TRPC4AP: variants seen among roughly 807,000 people sequenced by gnomAD.
TRPC4AP encodes the protein short transient receptor potential channel 4-associated protein.
A neutral mutation model predicts 99.0 loss-of-function variants in TRPC4AP; 45 were observed. The observed-to-expected ratio is 0.45, with a 90% CI of 0.36 to 0.58. TRPC4AP has a LOEUF of 0.58. TRPC4AP is among the 20% of genes least tolerant of loss of function. The pLI is 0.00. For synonymous variants in TRPC4AP, 408 were observed against 385.8 expected, an observed-to-expected ratio of 1.06 and a Z score of -0.67; for missense variants, 879 against 985.3, an observed-to-expected ratio of 0.89 and a Z score of 1.44.
At chr20:35,062,453 T>G in intron 3 of TRPC4AP, among the ~76,000 whole-genome samples, 1 of 152,258 alleles carries the variant, frequency 6.6e-6, no homozygotes, top group African/African-American at 2.4e-5. Flanking sequence ...GATGAATGGA[T>G]AAATAAGATG....
At chr20:35,014,146 C>T (rs1159602276) in intron 10 of TRPC4AP, among the ~76,000 whole-genome samples, 3 of 152,016 alleles carry the variant, frequency 2.0e-5, no homozygotes, top group African/African-American at 4.8e-5. Flanking sequence ...CCACCATGCC[C>T]GGGAGCACGT....
rs1415565466 is a variant in TRPC4AP, at chr20:35,023,767, G to A, written c.1052-2411C>T. Among the ~76,000 whole-genome samples the A allele has an allele frequency of 2.6e-5, 4 of 152,326 alleles. No homozygotes were observed. In the South Asian group the frequency reaches 8.3e-4, roughly 32 times the overall value. ...GGCACCCAGCCCATGGTGCTCTAGG[G>A]AGTCCTGCAGGGAAGGATGTTTATG... On this transcript the variant is annotated intron_variant, in intron 8 of 18. Transcript: ENST00000252015.
intron 8 of TRPC4AP, among the ~76,000 whole-genome samples, chr20:35,027,110 C>G (rs1324481175): frequency 1.3e-5 from 2 of 152,138 alleles, no homozygotes; most frequent in Non-Finnish European, 2.9e-5. Flanking sequence ...ACTGCCACTT[C>G]CAGAAACGAT....
intron 8 of TRPC4AP, among the ~76,000 whole-genome samples, chr20:35,021,664 C>A (rs2147297808): frequency 6.6e-6 from 1 of 152,304 alleles, no homozygotes; most frequent in Non-Finnish European, 1.5e-5. Context: ...CTGCCACCAA[C>A]CAGACCCCCA....
chr20:35,076,254 T>TCTC (rs145123704), intron 2 of TRPC4AP, among the ~76,000 whole-genome samples: 1 of 151,732 alleles, frequency 6.6e-6, no homozygotes, highest in African/African-American at 2.4e-5. Context: ...TCTGAAGCCT[T>TCTC]CTCTCAACTC....
At chr20:35,063,815 C>T (rs1208223456) in intron 3 of TRPC4AP, among the ~76,000 whole-genome samples, 1 of 152,100 alleles carries the variant, frequency 6.6e-6, no homozygotes, top group Non-Finnish European at 1.5e-5. Flanking sequence ...GAGCTAGGAT[C>T]GTACCACTGC....
chr20:35,076,973 C>G (rs1342262216), intron 2 of TRPC4AP, among the ~76,000 whole-genome samples: 3 of 152,194 alleles, frequency 2.0e-5, no homozygotes, highest in Non-Finnish European at 4.4e-5. Flanking sequence ...GTGGACACCC[C>G]TCCCCCTGCT....
intron 5 of TRPC4AP, among the ~76,000 whole-genome samples, chr20:35,052,358 T>C (rs1004702429): frequency 1.3e-5 from 2 of 151,966 alleles, no homozygotes; most frequent in Non-Finnish European, 2.9e-5. Flanking sequence ...CCTATCAAAG[T>C]GTTGAGATTA....
intron 3 of TRPC4AP, among the ~76,000 whole-genome samples, chr20:35,066,999 A>G (rs1294574512): frequency 6.6e-6 from 1 of 152,274 alleles, no homozygotes; most frequent in Non-Finnish European, 1.5e-5. Flanking sequence ...CAGAGAATTT[A>G]TAAAGAACTC....
intron 3 of TRPC4AP, among the ~76,000 whole-genome samples, chr20:35,064,983 G>A (rs190094050): frequency 4.4e-4 from 67 of 152,268 alleles, no homozygotes; most frequent in South Asian, 2.9e-3. Flanking sequence ...CACAGAAATG[G>A]AAACAACAGG....
At position 35,082,735 on chromosome 20, in the gene TRPC4AP, A is replaced by G. The variant is rs531043230; in HGVS notation, c.169-4561T>C. Among the ~76,000 whole-genome samples the G allele has an allele frequency of 1.7e-4, 26 of 152,352 alleles. 1 individual carries two copies. Among genetic ancestry groups the G allele is most frequent in the Non-Finnish European group, 3.5e-4 (24 of 68,030 alleles). The stretch of plus-strand genomic sequence containing the variant: ...GTTTAATATTTGAAAATTTTATTCA[A>G]TGCAATTCACCACATTGATAACATA... On this transcript the variant is annotated intron_variant, in intron 1 of 18. Coordinates refer to ENST00000252015, the MANE Select transcript of TRPC4AP (RefSeq NM_015638.3).
intron 11 of TRPC4AP, 38 bp downstream of exon 11, chr20:35,012,970 C>A (rs1303228433): frequency 6.2e-7 from 1 of 1,610,052 alleles, no homozygotes; most frequent in Admixed American, 1.7e-5. Flanking sequence ...CCGAAGACAG[C>A]CCAACAACTC....
chr20:35,088,740 T>C (rs112755483), intron 1 of TRPC4AP, among the ~76,000 whole-genome samples: 1 of 152,196 alleles, frequency 6.6e-6, no homozygotes, highest in Non-Finnish European at 1.5e-5. Context: ...TCCACCTTAC[T>C]TTAAAATCTG....
intron 7 of TRPC4AP, among the ~76,000 whole-genome samples, chr20:35,041,678 T>C (rs2083449557): frequency 6.6e-6 from 1 of 152,212 alleles, no homozygotes; most frequent in South Asian, 2.1e-4. Flanking sequence ...AGTTTACAAA[T>C]AGGCATCTGA....
intron 1 of TRPC4AP, among the ~76,000 whole-genome samples, chr20:35,085,395 T>C (rs1438251891): frequency 1.3e-5 from 2 of 152,168 alleles, no homozygotes; most frequent in African/African-American, 4.8e-5. Flanking sequence ...GCCCATTGCT[T>C]GATCCCAGGA....
At chr20:35,084,504 GTATA>G (rs2084750181) in intron 1 of TRPC4AP, among the ~76,000 whole-genome samples, 1 of 145,826 alleles carries the variant, frequency 6.9e-6, no homozygotes, top group Non-Finnish European at 1.5e-5. Flanking sequence ...ATCTATATAT[GTATA>G]TACGTATATA....
At chr20:35,049,765 T>C (rs2083651380) in intron 6 of TRPC4AP, 101 bp downstream of exon 6, 1 of 1,352,214 alleles carries the variant, frequency 7.4e-7, no homozygotes, top group East Asian at 2.4e-5. Flanking sequence ...AGACATAATT[T>C]AACACTTTCT....
chr20:35,039,487 T>G (rs1195105563), intron 7 of TRPC4AP, among the ~76,000 whole-genome samples: 1 of 152,246 alleles, frequency 6.6e-6, no homozygotes, highest in African/African-American at 2.4e-5. Context: ...GCTTTATCAG[T>G]AGCTACCACA....
chr20:35,056,718 T>C (rs569204802), intron 4 of TRPC4AP, among the ~76,000 whole-genome samples: 36 of 152,132 alleles, frequency 2.4e-4, no homozygotes, highest in African/African-American at 8.7e-4. Context: ...CGGTGGCTCA[T>C]GCCTGTAATC....
Sources: allele counts gnomAD v4.1 joint callset (sites outside exome capture counted in the v4.1 genomes callset), GRCh38; gene constraint gnomAD v4.1.1; transcripts MANE v1.5; gene names NCBI Gene and HGNC (gene_info 2026-07-23, HGNC 2026-07-21).